The following SEMA3A variants were observed in gnomAD, a reference collection of about 807,000 sequenced individuals.
The protein encoded by SEMA3A is semaphorin-3A.
A neutral mutation model predicts 97.9 loss-of-function variants in SEMA3A; 29 were observed. The ratio of observed to expected loss-of-function variants is 0.30; its 90% CI spans 0.22 to 0.40. The LOEUF (loss-of-function observed/expected upper bound fraction) is 0.40, where lower values mean the gene tolerates loss of function less well. Ranked by LOEUF, SEMA3A falls within the 10% of genes least tolerant of loss-of-function variation. The pLI is 1.00. For synonymous variants in SEMA3A, 321 were observed against 323.7 expected (o/e 0.99, Z 0.09); for missense variants, 763 against 951.3 (o/e 0.80, Z 2.60).
chr7:84,137,897 A>G (rs1397403950), intron 1 of SEMA3A, among the ~76,000 whole-genome samples: 1 of 152,158 alleles, frequency 6.6e-6, no homozygotes, highest in Non-Finnish European at 1.5e-5. Flanking sequence ...TTATACAGTT[A>G]TAAGTAAGAA....
chr7:84,191,630 G>A (rs542045857), intron 1 of SEMA3A, among the ~76,000 whole-genome samples: 11 of 151,792 alleles, frequency 7.2e-5, no homozygotes, highest in Non-Finnish European at 1.6e-4. Context: ...AAACATTTAT[G>A]CATGGACCAC....
chr7:84,118,171 C>T (rs1795491148), intron 3 of SEMA3A, among the ~76,000 whole-genome samples: 1 of 152,136 alleles, frequency 6.6e-6, no homozygotes, highest in Admixed American at 6.6e-5. Flanking sequence ...ACTCTGTGCC[C>T]ATTTCTGCTA....
At chr7:84,100,170 C>A (rs917308149) in intron 4 of SEMA3A, among the ~76,000 whole-genome samples, 2 of 152,248 alleles carry the variant, frequency 1.3e-5, no homozygotes, top group Non-Finnish European at 2.9e-5. Context: ...AATAAGATGG[C>A]CTTTGTTTAC....
chr7:84,127,215 G>A (rs1384867124), intron 3 of SEMA3A, among the ~76,000 whole-genome samples: 3 of 151,720 alleles, frequency 2.0e-5, no homozygotes, highest in Admixed American at 6.6e-5. Context: ...GAATCCTGTT[G>A]AGTCAGTTTA....
intron 3 of SEMA3A, among the ~76,000 whole-genome samples, chr7:84,269,134 A>AT (rs1398219205): frequency 6.6e-6 from 1 of 151,530 alleles, no homozygotes; most frequent in Non-Finnish European, 1.5e-5. Flanking sequence ...TATGAGTAGA[A>AT]TTTTTTTTCT....
intron 3 of SEMA3A, among the ~76,000 whole-genome samples, chr7:84,237,579 G>A (rs1489633837): frequency 6.6e-6 from 1 of 151,994 alleles, no homozygotes; most frequent in Non-Finnish European, 1.5e-5. Context: ...CTCTTATACT[G>A]TGACAAGATA....
chr7:84,425,843 A>G (rs1329810083), intron 1 of SEMA3A, among the ~76,000 whole-genome samples: 3 of 87,592 alleles, frequency 3.4e-5, no homozygotes, highest in South Asian at 4.3e-4. Flanking sequence ...ATAATATATA[A>G]TGTTTATATA....
intron 1 of SEMA3A, among the ~76,000 whole-genome samples, chr7:84,406,384 C>A (rs151066604): frequency 0.12 from 17,492 of 151,974 alleles, 1,894 homozygotes; most frequent in African/African-American, 0.27. Context: ...CAATAACAGG[C>A]TCTGAAATTG....
chr7:84,467,881 A>AT lies in SEMA3A; in HGVS notation c.-246+24578dup, dbSNP rs375237326. 5.2e-3 allele frequency among the ~76,000 whole-genome samples: 786 copies of AT among 152,278 alleles called. 9 individuals are homozygous for AT. Among genetic ancestry groups the AT allele is most frequent in the African/African-American group, 0.018 (744 of 41,572 alleles). ...CTTCAACATGCCTGTGTATAACATTATTATAGTATTTTTATATTTTCTAAT... is the reference window on the plus strand; with the variant it reads ...CTTCAACATGCCTGTGTATAACATTATTTATAGTATTTTTATATTTTCTAAT... On this transcript the variant is annotated intron_variant, in intron 1 of 3. Transcript: ENST00000424555.
At chr7:84,313,992 A>G (rs1801432891) in intron 2 of SEMA3A, among the ~76,000 whole-genome samples, 1 of 152,202 alleles carries the variant, frequency 6.6e-6, no homozygotes, top group East Asian at 1.9e-4. Context: ...AGTAATAGAT[A>G]AAACTGTGCT....
chr7:83,958,294 T>C lies in SEMA3A; in HGVS notation c.*3077A>G, dbSNP rs1222415117. The C allele has an allele frequency of 1.3e-5, 2 of 152,488 alleles. No individual in the cohort carries two copies. The highest frequency in any genetic ancestry group is 6.6e-5 in the Admixed American group (1 of 15,246). The allele number at this position is 152,488 out of a possible 1,614,324, so 9.4% of individuals were successfully genotyped here. ...TTCTCAACATTTTATGAGCTTATGT[T>C]CCTTAACACCATATGTTATAGGGAA... On this transcript the variant is annotated 3_prime_UTR_variant, in exon 17 of 17. Transcript: ENST00000265362.
chr7:84,030,541 G>T (rs936486093), intron 6 of SEMA3A, among the ~76,000 whole-genome samples: 1 of 151,978 alleles, frequency 6.6e-6, no homozygotes, highest in African/African-American at 2.4e-5. Context: ...TGAGAAGAAA[G>T]AAAATATACC....
intron 1 of SEMA3A, among the ~76,000 whole-genome samples, chr7:84,452,621 T>A (rs917326983): frequency 6.6e-6 from 1 of 152,192 alleles, no homozygotes; most frequent in Non-Finnish European, 1.5e-5. Context: ...TTACTATGTA[T>A]AAAAAATAGT....
chr7:84,284,058 G>A (rs891157116), intron 3 of SEMA3A, among the ~76,000 whole-genome samples: 5 of 152,062 alleles, frequency 3.3e-5, no homozygotes, highest in African/African-American at 1.2e-4. Flanking sequence ...AGCTGTTATG[G>A]TTATCAACAT....
At chr7:84,440,777 C>T (rs1315921180) in intron 1 of SEMA3A, among the ~76,000 whole-genome samples, 1 of 152,132 alleles carries the variant, frequency 6.6e-6, no homozygotes, top group Non-Finnish European at 1.5e-5. Context: ...CAGGGAATCT[C>T]TTTTCTAGTT....
At chr7:84,389,452 T>C (rs778092507) in intron 1 of SEMA3A, among the ~76,000 whole-genome samples, 1 of 152,084 alleles carries the variant, frequency 6.6e-6, no homozygotes, top group Admixed American at 6.6e-5. Flanking sequence ...TTCCCCTTTT[T>C]GATTTTCAAG....
chr7:84,352,370 C>T (rs1562915368), intron 2 of SEMA3A, among the ~76,000 whole-genome samples: 1 of 151,230 alleles, frequency 6.6e-6, no homozygotes, highest in South Asian at 2.1e-4. Context: ...TTAAAAATAA[C>T]AAAAAGAGTA....
intron 3 of SEMA3A, among the ~76,000 whole-genome samples, chr7:84,113,267 CATT>C (rs1456430274): frequency 6.6e-6 from 1 of 152,180 alleles, no homozygotes; most frequent in Non-Finnish European, 1.5e-5. Context: ...TTGACAGAGA[CATT>C]GTTAGTAAGG....
At chr7:84,465,677 G>A (rs181996153) in intron 1 of SEMA3A, among the ~76,000 whole-genome samples, 33 of 152,068 alleles carry the variant, frequency 2.2e-4, no homozygotes, top group Middle Eastern at 3.4e-3. Context: ...TACATAAGCC[G>A]GAGATCCAGA....
Sources: allele counts gnomAD v4.1 joint callset (sites outside exome capture counted in the v4.1 genomes callset), GRCh38; gene constraint gnomAD v4.1.1; transcripts MANE v1.5; gene names NCBI Gene and HGNC (gene_info 2026-07-23, HGNC 2026-07-21).